MECOM: variants seen among roughly 807,000 people sequenced by gnomAD.
MECOM encodes the protein MDS1 and EVI1 complex locus, also known as histone-lysine N-methyltransferase MECOM.
MECOM carries 13 observed loss-of-function variants against 116.3 expected under a neutral mutation model. The observed-to-expected ratio is 0.11, with a 90% CI of 0.07 to 0.18. The LOEUF (loss-of-function observed/expected upper bound fraction) is 0.18. Among genes scored for constraint, MECOM ranks in the 10% least tolerant of loss-of-function variants. The pLI, the probability that MECOM is intolerant of heterozygous loss-of-function variation, is 1.00. For missense variants in MECOM, 1,299 were observed against 1,509.0 expected (o/e 0.86, Z 2.31); for synonymous variants, 528 against 535.2 (o/e 0.99, Z 0.19).
chr3:169,180,796 T>TATATATATATATAC lies in MECOM; in HGVS notation c.376-36965_376-36964insGTATATATATATAT, dbSNP rs906745823. Among the ~76,000 whole-genome samples, 5 of 109,260 alleles carry TATATATATATATAC rather than the reference T, an allele frequency of 4.6e-5. 1 individual carries two copies. Among genetic ancestry groups the TATATATATATATAC allele is most frequent in the African/African-American group, 2.9e-4 (5 of 17,158 alleles). 71.7% of individuals were successfully genotyped at this position (109,260 alleles called of 152,430 possible). On this transcript the variant is annotated intron_variant, in intron 2 of 16. Coordinates refer to ENST00000651503, the MANE Select transcript of MECOM (RefSeq NM_004991.4). ...TGTATGTGTGTGTGTGTGGAGATGA[T>TATATATATATATAC]ATATATATATATATATATCAGGCTG...
At chr3:169,635,378 C>T (rs540915889) in intron 1 of MECOM, among the ~76,000 whole-genome samples, 22 of 152,120 alleles carry the variant, frequency 1.4e-4, no homozygotes, top group Non-Finnish European at 2.6e-4. Context: ...CATTGCCTAC[C>T]GAGGTAAATA....
At chr3:169,112,682 T>C (rs1208207510) in intron 9 of MECOM, 105 bp downstream of exon 9, 13 of 864,598 alleles carry the variant, frequency 1.5e-5, no homozygotes, top group East Asian at 2.4e-5. Flanking sequence ...ACCAGCGTCA[T>C]AGGAAATCCT....
chr3:169,128,007 C>T lies in MECOM; in HGVS notation c.667G>A (p.Glu223Lys), dbSNP rs757808648. ...DCDQLFESKA[E>K]LADHQKFPCS... ...GGAAACTTTTGGTGATCTGCTAGTT[C>T]AGCCTTAGATTCAAAGAGCTGGTCA... Residue 223 changes from glutamate (E) to lysine (K), a missense_variant, in exon 5 of 17, where the codon GAA becomes AAA. Physicochemically the swap from Glu to Lys is moderately conservative, Grantham distance 56. This residue lies in a region of MECOM where 374 missense variants were observed against 433.4 expected (regional missense o/e 0.86). Coordinates refer to ENST00000651503, the MANE Select transcript of MECOM (RefSeq NM_004991.4). The T allele has an allele frequency of 1.0e-4, 163 of 1,613,948 alleles. No homozygotes were observed. The highest frequency in any genetic ancestry group is 1.3e-4 in the Non-Finnish European group (159 of 1,179,952).
intron 1 of MECOM, among the ~76,000 whole-genome samples, chr3:169,529,996 G>T (rs1312511096): frequency 2.0e-5 from 3 of 152,160 alleles, no homozygotes; most frequent in Non-Finnish European, 2.9e-5. Context: ...ATATGATAGG[G>T]GTTATAGCAG....
chr3:169,273,910 T>A (rs1577548542), intron 2 of MECOM, among the ~76,000 whole-genome samples: 2 of 112,262 alleles, frequency 1.8e-5, no homozygotes, highest in East Asian at 2.8e-4. Context: ...TCTCCAAAGC[T>A]TTTTTTTTTT....
chr3:169,550,215 C>A (rs937567754), intron 1 of MECOM, among the ~76,000 whole-genome samples: 3 of 152,146 alleles, frequency 2.0e-5, no homozygotes, highest in Non-Finnish European at 4.4e-5. Flanking sequence ...ACAAAACGAG[C>A]AAATGCAAAG....
At chr3:169,573,616 C>T (rs935694272) in intron 1 of MECOM, among the ~76,000 whole-genome samples, 1 of 152,156 alleles carries the variant, frequency 6.6e-6, no homozygotes, top group Non-Finnish European at 1.5e-5. Context: ...CATTTTAATT[C>T]TACATTGCTT....
chr3:169,576,616 C>T (rs1764524245), intron 1 of MECOM, among the ~76,000 whole-genome samples: 2 of 152,128 alleles, frequency 1.3e-5, no homozygotes, highest in African/African-American at 2.4e-5. Flanking sequence ...AACTTCAGCA[C>T]TCTACCTCAT....
At chr3:169,487,773 T>C (rs1752577716) in intron 1 of MECOM, among the ~76,000 whole-genome samples, 1 of 99,158 alleles carries the variant, frequency 1.0e-5, no homozygotes, top group South Asian at 3.7e-4. Context: ...AAGAGATATA[T>C]GCAAAAAAGG....
chr3:169,596,035 G>A lies in MECOM; in HGVS notation c.37+67301C>T, dbSNP rs190789461. ...TAATACAAGATGAATCGATAAACTA[G>A]CTAATTGAAAATATAATGTTATTTG... is the stretch of plus-strand genomic sequence containing the variant. On this transcript the variant is annotated intron_variant, in intron 1 of 16. Coordinates refer to ENST00000651503, the MANE Select transcript of MECOM (RefSeq NM_004991.4). Among the ~76,000 whole-genome samples, 7 of 152,160 alleles carry A rather than the reference G, an allele frequency of 4.6e-5. No individual in the cohort carries two copies. In the East Asian group the frequency reaches 1.4e-3, roughly 29 times the overall value.
chr3:169,627,136 A>G (rs1249880587), intron 1 of MECOM, among the ~76,000 whole-genome samples: 1 of 152,216 alleles, frequency 6.6e-6, no homozygotes, highest in Non-Finnish European at 1.5e-5. Flanking sequence ...AACAATGCTA[A>G]TGTATTCTTG....
intron 2 of MECOM, among the ~76,000 whole-genome samples, chr3:169,237,589 C>T (rs1261694321): frequency 8.2e-6 from 1 of 122,072 alleles, no homozygotes; most frequent in East Asian, 2.4e-4. Flanking sequence ...TTCTGCTGTG[C>T]TAACTGCAAT....
At chr3:169,460,383 C>T (rs1261888177) in intron 1 of MECOM, among the ~76,000 whole-genome samples, 1 of 151,958 alleles carries the variant, frequency 6.6e-6, no homozygotes, top group South Asian at 2.1e-4. Context: ...TCAGAACAGA[C>T]CTATTTTTTG....
intron 1 of MECOM, among the ~76,000 whole-genome samples, chr3:169,482,491 C>T (rs1417890684): frequency 6.6e-6 from 1 of 152,058 alleles, no homozygotes; most frequent in Non-Finnish European, 1.5e-5. Flanking sequence ...CCCGCCACCA[C>T]GCCCGGCTAA....
intron 2 of MECOM, among the ~76,000 whole-genome samples, chr3:169,216,090 T>C (rs35196016): frequency 0.32 from 48,359 of 152,156 alleles, 9,011 homozygotes; most frequent in Middle Eastern, 0.54. Context: ...TATTTTAGTG[T>C]CAACCTTTAT....
In MECOM at chr3:169,576,796, TACACACACACACAC is replaced by T. The variant is rs373881811; in HGVS notation, c.37+86526_37+86539del. On this transcript the variant is annotated intron_variant, in intron 1 of 16. Coordinates refer to ENST00000651503, the MANE Select transcript of MECOM (RefSeq NM_004991.4). ...TTTTCCAGGATTTCACTTCCTGTTT[TACACACACACACAC>T]ACACACACACACACACACACACACA... Among the ~76,000 whole-genome samples the T allele has an allele frequency of 1.7e-3, 230 of 136,590 alleles. 1 individual carries two copies. The highest frequency in any genetic ancestry group is 4.8e-3 in the African/African-American group (175 of 36,408). The allele number at this position is 136,590 out of a possible 152,430, so 89.6% of individuals were successfully genotyped here.
At chr3:169,095,292 A>T (rs1483617437) in intron 12 of MECOM, 47 bp from the exon 13 acceptor site, 1 of 1,530,946 alleles carries the variant, frequency 6.5e-7, no homozygotes, top group East Asian at 2.3e-5. Flanking sequence ...ATTAAAAGGT[A>T]TTTCTCAAGA....
intron 1 of MECOM, among the ~76,000 whole-genome samples, chr3:169,570,551 G>A (rs1763769005): frequency 6.6e-6 from 1 of 152,014 alleles, no homozygotes; most frequent in African/African-American, 2.4e-5. Flanking sequence ...GAAAATTTCA[G>A]GCCAATATCC....
chr3:169,267,489 C>A lies in MECOM; in HGVS notation c.375+113698G>T, dbSNP rs116481529. On this transcript the variant is annotated intron_variant, in intron 2 of 16. Transcript: ENST00000651503. The stretch of plus-strand genomic sequence containing the variant: ...ATAGGTAAATGGAGGCAGGAAAGAG[C>A]TGCCCTTACTTGCTTCTAGCTTTAT... Among the ~76,000 whole-genome samples, 1,348 of 152,250 alleles carry A rather than the reference C, an allele frequency of 8.9e-3. 14 individuals carry two copies. Among genetic ancestry groups the A allele is most frequent in the African/African-American group, 0.031 (1,293 of 41,536 alleles).
Sources: allele counts gnomAD v4.1 joint callset (sites outside exome capture counted in the v4.1 genomes callset), GRCh38; gene constraint gnomAD v4.1.1; regional missense constraint gnomAD v4.1.1; transcripts MANE v1.5; gene names NCBI Gene and HGNC (gene_info 2026-07-23, HGNC 2026-07-21).